The following LRRC40 variants were observed in gnomAD, a reference collection of about 807,000 sequenced individuals.
LRRC40 encodes the protein leucine-rich repeat-containing protein 40.
A neutral mutation model predicts 72.8 loss-of-function variants in LRRC40; 76 were observed. The ratio of observed to expected loss-of-function variants is 1.04; its 90% CI spans 0.87 to 1.26. LRRC40 has a LOEUF of 1.26. Ranked by LOEUF, LRRC40 falls within the 50% of genes most tolerant of loss-of-function variation. The pLI, the probability that LRRC40 is intolerant of heterozygous loss-of-function variation, is 0.00. For synonymous variants in LRRC40, 243 were observed against 254.2 expected, an observed-to-expected ratio of 0.96 and a Z score of 0.42; for missense variants, 684 against 698.9, an observed-to-expected ratio of 0.98 and a Z score of 0.24.
intron 1 of LRRC40, among the ~76,000 whole-genome samples, chr1:70,196,276 G>A (rs1668607908): frequency 6.6e-6 from 1 of 152,124 alleles, no homozygotes; most frequent in African/African-American, 2.4e-5. Context: ...CTGGCTGGGC[G>A]TGGTGGCTCA....
intron 13 of LRRC40, among the ~76,000 whole-genome samples, chr1:70,149,372 C>A (rs1667405877): frequency 6.6e-6 from 1 of 152,086 alleles, no homozygotes; most frequent in Non-Finnish European, 1.5e-5. Flanking sequence ...TCCTTTGCTG[C>A]CTTGATGAAA....
chr1:70,152,471 C>A lies in LRRC40; in HGVS notation c.1401G>T (p.Glu467Asp). 5 of 1,605,006 alleles carry A rather than the reference C, an allele frequency of 3.1e-6. No homozygotes were observed. The highest frequency in any genetic ancestry group is 4.3e-6 in the Non-Finnish European group (5 of 1,172,338). The change falls in exon 12 of 15, where the codon GAG becomes GAT. Residue 467 changes from glutamate (E) to aspartate (D), a missense_variant. Coordinates refer to ENST00000370952, the MANE Select transcript of LRRC40 (RefSeq NM_017768.5). ...AAGTCAATTTCTGAAGCACACATAACTCCAAGGATATAAAGGAAAGTTTAT... is the reference window on the plus strand; with the variant it reads ...AAGTCAATTTCTGAAGCACACATAAATCCAAGGATATAAAGGAAAGTTTAT... The part of the protein sequence containing the change: ...SFNKLSFISL[E>D]LCVLQKLTFL...
chr1:70,205,536 G>A lies in LRRC40; in HGVS notation c.5C>T (p.Ser2Leu), dbSNP rs752739653. M[S>L]RLKRIAGQDL... The stretch of plus-strand genomic sequence containing the variant: ...CTGCCCCGCTATCCGCTTCAGGCGC[G>A]ACATGTTCAAAGTCCTAGGTCCAGA... Residue 2 changes from serine (S) to leucine (L), a missense_variant, in exon 1 of 15, where the codon TCG (serine) becomes TTG (leucine). Transcript: ENST00000370952. 2 of 1,594,462 alleles carry A rather than the reference G, an allele frequency of 1.3e-6. No individual in the cohort carries two copies. The highest frequency in any genetic ancestry group is 1.7e-5 in the Admixed American group (1 of 59,578).
At chr1:70,150,124 G>T (rs1445223715) in intron 13 of LRRC40, among the ~76,000 whole-genome samples, 1 of 151,922 alleles carries the variant, frequency 6.6e-6, no homozygotes, top group African/African-American at 2.4e-5. Flanking sequence ...TCACCATATC[G>T]GCCAGGCTGG....
intron 14 of LRRC40, among the ~76,000 whole-genome samples, chr1:70,146,309 A>G (rs1048766872): frequency 2.0e-5 from 3 of 152,092 alleles, no homozygotes; most frequent in Non-Finnish European, 4.4e-5. Context: ...ACAGGAGTGA[A>G]CCACCATGCT....
intron 1 of LRRC40, among the ~76,000 whole-genome samples, chr1:70,198,185 CA>C (rs1668658258): frequency 6.6e-6 from 1 of 152,170 alleles, no homozygotes; most frequent in African/African-American, 2.4e-5. Context: ...CTTAACTACA[CA>C]AATAAAAGCT....
intron 9 of LRRC40, among the ~76,000 whole-genome samples, chr1:70,162,781 A>G (rs956535479): frequency 6.6e-5 from 10 of 152,218 alleles, no homozygotes; most frequent in Non-Finnish European, 1.3e-4. Context: ...TACAGAGTCC[A>G]TCCTAAGCCT....
intron 7 of LRRC40, among the ~76,000 whole-genome samples, chr1:70,174,822 A>G (rs950238605): frequency 1.1e-4 from 16 of 152,096 alleles, no homozygotes; most frequent in African/African-American, 3.4e-4. Flanking sequence ...TTTTAGGGAG[A>G]TAGAAATGTT....
chr1:70,154,680 A>AT (rs1461077440), intron 11 of LRRC40, among the ~76,000 whole-genome samples: 2 of 152,194 alleles, frequency 1.3e-5, no homozygotes, highest in Non-Finnish European at 2.9e-5. Context: ...TAAACATCTA[A>AT]AAAATTTTTG....
chr1:70,192,508 T>C (rs1571491354), intron 1 of LRRC40, among the ~76,000 whole-genome samples: 1 of 152,096 alleles, frequency 6.6e-6, no homozygotes, highest in Non-Finnish European at 1.5e-5. Flanking sequence ...TAAGGACACA[T>C]GCATGCAAAT....
At chr1:70,149,351 T>C (rs936769044) in intron 13 of LRRC40, among the ~76,000 whole-genome samples, 5 of 152,208 alleles carry the variant, frequency 3.3e-5, no homozygotes, top group Non-Finnish European at 5.9e-5. Context: ...CATTTCCGCA[T>C]ACTGCCCCCT....
rs878883852 is a variant in LRRC40, at chr1:70,178,837, C to G, written c.804+14G>C. 3 of 1,468,838 alleles carry G rather than the reference C, an allele frequency of 2.0e-6. No homozygotes were observed. In the South Asian group the frequency reaches 4.0e-5, roughly 20 times the overall value. The allele number at this position is 1,468,838 out of a possible 1,614,324, so 91.0% of individuals were successfully genotyped here. ...TTGGAAAATATAGTTATTTAATAATCAACTAAATAGTACCTTCAATAGACT... is the reference window on the plus strand; with the variant it reads ...TTGGAAAATATAGTTATTTAATAATGAACTAAATAGTACCTTCAATAGACT... On this transcript the variant is annotated intron_variant, in intron 6 of 14. Transcript: ENST00000370952.
At chr1:70,193,306 T>C (rs1216945570) in intron 1 of LRRC40, among the ~76,000 whole-genome samples, 2 of 151,818 alleles carry the variant, frequency 1.3e-5, no homozygotes, top group East Asian at 1.9e-4. Context: ...GAGAATGTCA[T>C]AGATCCCACA....
At chr1:70,150,311 C>G (rs1667444093) in intron 13 of LRRC40, among the ~76,000 whole-genome samples, 1 of 152,116 alleles carries the variant, frequency 6.6e-6, no homozygotes, top group Non-Finnish European at 1.5e-5. Flanking sequence ...CTTCTGGAGC[C>G]AAACCACCTG....
intron 1 of LRRC40, among the ~76,000 whole-genome samples, chr1:70,197,574 T>C (rs548588791): frequency 6.7e-6 from 1 of 149,680 alleles, no homozygotes; most frequent in East Asian, 2.0e-4. Context: ...CAATCACACC[T>C]GGCCCCCCCA....
At chr1:70,167,242 AAAAAAG>A (rs1248328693) in intron 9 of LRRC40, among the ~76,000 whole-genome samples, 20 of 151,684 alleles carry the variant, frequency 1.3e-4, no homozygotes, top group African/African-American at 4.6e-4. Context: ...AAAAAAAAAA[AAAAAAG>A]AAAAAAGAAA....
At chr1:70,181,481 G>A (rs1005739561) in intron 4 of LRRC40, among the ~76,000 whole-genome samples, 15 of 151,758 alleles carry the variant, frequency 9.9e-5, no homozygotes, top group Non-Finnish European at 1.8e-4. Context: ...TTTACATAAC[G>A]GATTCTGTTA....
At chr1:70,189,296 A>AG (rs1227216875) in intron 1 of LRRC40, 23 bp from the exon 2 acceptor site, 2 of 1,056,490 alleles carry the variant, frequency 1.9e-6, no homozygotes, top group South Asian at 2.9e-5. Context: ...GCACCACACC[A>AG]GGAAAAAAAA....
intron 9 of LRRC40, among the ~76,000 whole-genome samples, chr1:70,169,902 G>A (rs991350353): frequency 1.3e-5 from 2 of 151,778 alleles, no homozygotes; most frequent in African/African-American, 4.8e-5. Context: ...AAAATAGGAG[G>A]GAACATTTCC....
Sources: allele counts gnomAD v4.1 joint callset (sites outside exome capture counted in the v4.1 genomes callset), GRCh38; gene constraint gnomAD v4.1.1; transcripts MANE v1.5; gene names NCBI Gene and HGNC (gene_info 2026-07-23, HGNC 2026-07-21).